The following MICAL2 variants were observed in gnomAD, a reference collection of about 807,000 sequenced individuals.
MICAL2 encodes [F-actin]-monooxygenase MICAL2.
Under a neutral mutation model 127.3 loss-of-function variants are expected in MICAL2, and 77 were observed. That is an observed-to-expected ratio of 0.60 (90% confidence interval 0.50 to 0.73). The LOEUF (loss-of-function observed/expected upper bound fraction) is 0.73, where lower values mean the gene tolerates loss of function less well. Ranked by LOEUF, MICAL2 falls within the 30% of genes least tolerant of loss-of-function variation. The pLI is 0.00. For synonymous variants in MICAL2, 570 were observed against 551.1 expected, an observed-to-expected ratio of 1.03 and a Z score of -0.48; for missense variants, 1,351 against 1,434.4, an observed-to-expected ratio of 0.94 and a Z score of 0.94.
At chr11:12,336,171 C>T (rs1311325543) in intron 32 of MICAL2, among the ~76,000 whole-genome samples, 1 of 152,146 alleles carries the variant, frequency 6.6e-6, no homozygotes, top group Non-Finnish European at 1.5e-5. Flanking sequence ...CCCTTCACAT[C>T]CCTTGTAAGT....
At chr11:12,314,426 A>G (rs549018361) in intron 29 of MICAL2, among the ~76,000 whole-genome samples, 68 of 152,136 alleles carry the variant, frequency 4.5e-4, no homozygotes, top group Non-Finnish European at 8.2e-4. Flanking sequence ...AAATGAATCT[A>G]TATTAAATTA....
chr11:12,162,461 G>C, intron 3 of MICAL2, 42 bp downstream of exon 3: 1 of 1,605,178 alleles, frequency 6.2e-7, no homozygotes, highest in East Asian at 2.2e-5. Context: ...CAGGGCGTGT[G>C]GGTTGACATT....
At chr11:12,319,331 T>C (rs1304960879) in intron 29 of MICAL2, among the ~76,000 whole-genome samples, 3 of 152,130 alleles carry the variant, frequency 2.0e-5, no homozygotes. Flanking sequence ...GTAACTCAAC[T>C]AACTTCAGAC....
At chr11:12,280,398 C>A (rs913088890) in intron 1 of MICAL2, among the ~76,000 whole-genome samples, 1 of 152,148 alleles carries the variant, frequency 6.6e-6, no homozygotes, top group Non-Finnish European at 1.5e-5. Context: ...GCTCTGGCTG[C>A]CATAACAAAG....
chr11:12,175,620 A>G (rs1856757280), intron 3 of MICAL2, among the ~76,000 whole-genome samples: 2 of 150,694 alleles, frequency 1.3e-5, no homozygotes, highest in African/African-American at 4.8e-5. Flanking sequence ...AGGTGTGTGT[A>G]TATCCTAGGT....
At chr11:12,336,367 G>A (rs1938757032) in intron 32 of MICAL2, among the ~76,000 whole-genome samples, 1 of 152,190 alleles carries the variant, frequency 6.6e-6, no homozygotes, top group African/African-American at 2.4e-5. Context: ...AGACAATGGG[G>A]TTTTCTAGAT....
At chr11:12,329,862 G>GAAAAAA (rs59395634) in intron 32 of MICAL2, among the ~76,000 whole-genome samples, 356 of 121,632 alleles carry the variant, frequency 2.9e-3, no homozygotes, top group East Asian at 0.011. Context: ...CCCCAAATAT[G>GAAAAAA]AAAAAAAAAA....
chr11:12,179,432 A>C (rs958313582), intron 3 of MICAL2, among the ~76,000 whole-genome samples: 2 of 152,120 alleles, frequency 1.3e-5, no homozygotes. Context: ...TCCACTGCCC[A>C]AAACTGTCCC....
chr11:12,350,712 T>C (rs548470944), intron 33 of MICAL2, among the ~76,000 whole-genome samples: 1 of 152,304 alleles, frequency 6.6e-6, no homozygotes, highest in East Asian at 1.9e-4. Flanking sequence ...TTACCGATAA[T>C]GGCTTATATG....
chr11:12,166,897 G>A lies in MICAL2; in HGVS notation c.264+4478G>A, dbSNP rs1855568908. ...AGAGCTGAGAAAACAGCTAAAGGGAGTGCATATATTCTAGGGAGAGTGTGT... is the reference window on the plus strand; with the variant it reads ...AGAGCTGAGAAAACAGCTAAAGGGAATGCATATATTCTAGGGAGAGTGTGT... On this transcript the variant is annotated intron_variant, in intron 3 of 27. Coordinates refer to ENST00000683283, the MANE Select transcript of MICAL2 (RefSeq NM_001282663.2). Among the ~76,000 whole-genome samples, 3 of 152,126 alleles carry A rather than the reference G, an allele frequency of 2.0e-5. No individual in the cohort carries two copies. In the South Asian group the frequency reaches 6.2e-4, roughly 32 times the overall value.
At chr11:12,180,903 C>G (rs1857379270) in intron 3 of MICAL2, among the ~76,000 whole-genome samples, 1 of 137,232 alleles carries the variant, frequency 7.3e-6, no homozygotes, top group Non-Finnish European at 1.6e-5. Flanking sequence ...AGAAATTATT[C>G]TTGCCTTTAT....
chr11:12,194,784 A>G (rs1404619470), intron 3 of MICAL2, among the ~76,000 whole-genome samples: 1 of 152,222 alleles, frequency 6.6e-6, no homozygotes, highest in Non-Finnish European at 1.5e-5. Flanking sequence ...CCAGAGCCCA[A>G]GGGACAAGAA....
intron 1 of MICAL2, among the ~76,000 whole-genome samples, chr11:12,114,377 C>A (rs1397063252): frequency 6.6e-6 from 1 of 152,220 alleles, no homozygotes; most frequent in Non-Finnish European, 1.5e-5. Context: ...CTGCAGATAT[C>A]CTTGATTGTG....
chr11:12,361,886 A>G (rs1049160168), downstream of MICAL2, among the ~76,000 whole-genome samples: 1 of 152,220 alleles, frequency 6.6e-6, no homozygotes, highest in African/African-American at 2.4e-5. Context: ...CGCCACATGA[A>G]CAGAGAGGGG....
intron 1 of MICAL2, among the ~76,000 whole-genome samples, chr11:12,115,424 A>G (rs1396625583): frequency 2.6e-5 from 4 of 152,176 alleles, no homozygotes; most frequent in Admixed American, 6.5e-5. Flanking sequence ...ACATGAAGAC[A>G]TGGTTTGTTT....
chr11:12,251,839 C>T (rs940868135), intron 22 of MICAL2, among the ~76,000 whole-genome samples: 1 of 152,100 alleles, frequency 6.6e-6, no homozygotes, highest in Non-Finnish European at 1.5e-5. Flanking sequence ...CCCCAAGTCA[C>T]GGTTGCTCAG....
At chr11:12,262,608 T>C (rs1863282376) in intron 27 of MICAL2, 71 bp downstream of exon 27, 1 of 1,286,868 alleles carries the variant, frequency 7.8e-7, no homozygotes. Context: ...CCCCGTCCTC[T>C]CCGCCAGCAG....
chr11:12,161,989 TAAAG>T, intron 2 of MICAL2, 86 bp from the exon 3 acceptor site: 1 of 767,760 alleles, frequency 1.3e-6, no homozygotes, highest in Admixed American at 2.9e-5. Flanking sequence ...TTGAATGTCT[TAAAG>T]AAATTGCATT....
chr11:12,291,168 G>A (rs1863893945), downstream of MICAL2, among the ~76,000 whole-genome samples: 1 of 152,186 alleles, frequency 6.6e-6, no homozygotes, highest in African/African-American at 2.4e-5. Flanking sequence ...GGGAGAGCTG[G>A]TTGGGCTGGG....
Sources: allele counts gnomAD v4.1 joint callset (sites outside exome capture counted in the v4.1 genomes callset), GRCh38; gene constraint gnomAD v4.1.1; transcripts MANE v1.5; gene names NCBI Gene and HGNC (gene_info 2026-07-23, HGNC 2026-07-21).